Variants in DOK6 observed in about 807,000 individuals in gnomAD.
The protein encoded by DOK6 is docking protein 6, also known as downstream of tyrosine kinase 6.
Under a neutral mutation model 44.0 loss-of-function variants are expected in DOK6, and 22 were observed. The ratio of observed to expected loss-of-function variants is 0.50; its 90% CI spans 0.36 to 0.71. DOK6 has a LOEUF of 0.71. Ranked by LOEUF, DOK6 falls within the 30% of genes least tolerant of loss-of-function variation. The pLI, the probability that DOK6 is intolerant of heterozygous loss-of-function variation, is 0.00. For missense variants in DOK6, 340 were observed against 416.4 expected, an observed-to-expected ratio of 0.82 and a Z score of 1.60; for synonymous variants, 166 against 145.5, an observed-to-expected ratio of 1.14 and a Z score of -1.01.
intron 6 of DOK6, among the ~76,000 whole-genome samples, chr18:69,742,355 A>G (rs970010589): frequency 4.6e-4 from 69 of 150,466 alleles, no homozygotes; most frequent in Admixed American, 4.4e-3. Context: ...CAGAGGTTGC[A>G]GTGAGCCGAG....
chr18:69,492,998 A>G (rs529008166), intron 1 of DOK6, among the ~76,000 whole-genome samples: 1 of 152,118 alleles, frequency 6.6e-6, no homozygotes, highest in Non-Finnish European at 1.5e-5. Context: ...TTAAATGAAA[A>G]TATAAACTTA....
Position 69,556,873 on chromosome 18 carries a change from T to C in DOK6, c.67-7614T>C, listed in dbSNP as rs181188823. ...AAGTGAATCCTGTGCACTGACTACT[T>C]TTTTACACAAACCAAGTGTGTCTTT... On this transcript the variant is annotated intron_variant, in intron 1 of 7. Coordinates refer to ENST00000382713, the MANE Select transcript of DOK6 (RefSeq NM_152721.6). Among the ~76,000 whole-genome samples, 35 of 152,304 alleles carry C rather than the reference T, an allele frequency of 2.3e-4. 1 individual carries two copies. The highest frequency in any genetic ancestry group is 7.2e-4 in the African/African-American group (30 of 41,574).
At chr18:69,488,338 G>A (rs929438997) in intron 1 of DOK6, among the ~76,000 whole-genome samples, 1 of 152,088 alleles carries the variant, frequency 6.6e-6, no homozygotes, top group Non-Finnish European at 1.5e-5. Context: ...GGACACAAAC[G>A]TTCAGTCTTA....
intron 7 of DOK6, among the ~76,000 whole-genome samples, chr18:69,758,657 A>G (rs1979440961): frequency 6.6e-6 from 1 of 152,238 alleles, no homozygotes; most frequent in Admixed American, 6.5e-5. Context: ...AACTAAGAAA[A>G]TAAGGCTGAA....
At chr18:69,830,083 C>A (rs1167971648) in intron 7 of DOK6, among the ~76,000 whole-genome samples, 1 of 151,980 alleles carries the variant, frequency 6.6e-6, no homozygotes, top group African/African-American at 2.4e-5. Context: ...AGTGCAAATA[C>A]CTTCCAGAAA....
chr18:69,793,167 T>C (rs1980648013), intron 7 of DOK6, among the ~76,000 whole-genome samples: 1 of 152,198 alleles, frequency 6.6e-6, no homozygotes, highest in Non-Finnish European at 1.5e-5. Context: ...GACCAGTAAC[T>C]CAATAGATTG....
In DOK6 at chr18:69,555,123, ATT is replaced by A. The variant is rs1231058683; in HGVS notation, c.67-9362_67-9361del. ...TATGTAAAAATTTATATTCTTATTT[ATT>A]TCCGCTTATTTTATCTTACAATAAT... On this transcript the variant is annotated intron_variant, in intron 1 of 7. Transcript: ENST00000382713. Among the ~76,000 whole-genome samples, 5 of 152,046 alleles carry A rather than the reference ATT, an allele frequency of 3.3e-5. No individual in the cohort carries two copies. In the East Asian group the frequency reaches 9.7e-4, roughly 29 times the overall value.
At chr18:69,435,025 G>GGGAGGGAAGGAAGGACGGAAGGAA (rs1978926067) in intron 1 of DOK6, among the ~76,000 whole-genome samples, 21 of 72,334 alleles carry the variant, frequency 2.9e-4, no homozygotes, top group African/African-American at 9.3e-4. Flanking sequence ...TAGGGAGGGA[G>GGGAGGGAAGGAAGGACGGAAGGAA]GGAAGGAAGG....
intron 1 of DOK6, among the ~76,000 whole-genome samples, chr18:69,439,608 G>A (rs1235106505): frequency 6.6e-6 from 1 of 152,200 alleles, no homozygotes; most frequent in Non-Finnish European, 1.5e-5. Context: ...GTGTTATAGA[G>A]ATGGCTTCTT....
In DOK6 at chr18:69,705,738, C is replaced by T. The variant is rs575283501; in HGVS notation, c.599+7145C>T. On this transcript the variant is annotated intron_variant, in intron 5 of 7. Coordinates refer to ENST00000382713, the MANE Select transcript of DOK6 (RefSeq NM_152721.6). ...TACAAGGTTTTGAATTTTTCAAATG[C>T]CTTTCATTTTTGCTTGAAAATTCTC... 5.9e-5 allele frequency among the ~76,000 whole-genome samples: 9 copies of T among 152,210 alleles called. No individual in the cohort carries two copies. The South Asian group carries it at 1.7e-3, about 28-fold the overall frequency.
intron 2 of DOK6, among the ~76,000 whole-genome samples, chr18:69,594,181 TA>T (rs1351164722): frequency 3.5e-4 from 43 of 121,448 alleles, no homozygotes; most frequent in Middle Eastern, 3.8e-3. Flanking sequence ...CATTGATGTT[TA>T]TTTTTTTTTT....
chr18:69,574,305 G>A (rs1983187562), intron 2 of DOK6, among the ~76,000 whole-genome samples: 1 of 151,914 alleles, frequency 6.6e-6, no homozygotes, highest in African/African-American at 2.4e-5. Flanking sequence ...AGAGTGTTTG[G>A]AGGAGTCAAT....
rs544042956 is a variant in DOK6 at position 69,797,050 on chromosome 18, C to T, written c.856+39177C>T. ...ATCTACTAATTTCTTTGAAGTTAAT[C>T]GATTATTTCCAATTACTAACTTACC... On this transcript the variant is annotated intron_variant, in intron 7 of 7. Transcript: ENST00000382713. 3.9e-5 allele frequency among the ~76,000 whole-genome samples: 6 copies of T among 152,122 alleles called. No homozygotes were observed. The East Asian group carries it at 9.7e-4, about 25-fold the overall frequency.
intron 1 of DOK6, among the ~76,000 whole-genome samples, chr18:69,482,786 A>T (rs1980466234): frequency 6.6e-6 from 1 of 152,012 alleles, no homozygotes; most frequent in Non-Finnish European, 1.5e-5. Flanking sequence ...AAAAGGATGA[A>T]ATAAAAAAAG....
intron 2 of DOK6, among the ~76,000 whole-genome samples, chr18:69,590,880 T>A (rs963182467): frequency 2.6e-5 from 4 of 152,120 alleles, no homozygotes; most frequent in African/African-American, 9.7e-5. Flanking sequence ...ACAGAACAGA[T>A]GTTGTGGGTC....
chr18:69,838,791 C>T (rs930658187), intron 7 of DOK6, among the ~76,000 whole-genome samples: 2 of 146,016 alleles, frequency 1.4e-5, no homozygotes, highest in Non-Finnish European at 3.0e-5. Flanking sequence ...CTCCCCAGCT[C>T]CTCCCCCTTC....
At chr18:69,835,542 T>C (rs1378690808) in intron 7 of DOK6, among the ~76,000 whole-genome samples, 1 of 151,866 alleles carries the variant, frequency 6.6e-6, no homozygotes. Context: ...GTGAAATAAA[T>C]AAAAGGGCTC....
chr18:69,731,535 G>C (rs1051462325), intron 5 of DOK6, among the ~76,000 whole-genome samples: 1 of 151,962 alleles, frequency 6.6e-6, no homozygotes. Flanking sequence ...TTTTTCTATG[G>C]TCAGTTGAAA....
Position 69,436,945 on chromosome 18 carries a change from C to A in DOK6, c.66+35635C>A, listed in dbSNP as rs1012519199. ...GCTTTTTTTCTATGTTTGTTGCCTG[C>A]ATAAACGTCTTTTGAGAAGTGTCTG... is the stretch of plus-strand genomic sequence containing the variant. On this transcript the variant is annotated intron_variant, in intron 1 of 7. Transcript: ENST00000382713. 2.0e-5 allele frequency among the ~76,000 whole-genome samples: 3 copies of A among 152,214 alleles called. No individual in the cohort carries two copies. The South Asian group carries it at 6.2e-4, about 32-fold the overall frequency.
Sources: allele counts gnomAD v4.1 joint callset (sites outside exome capture counted in the v4.1 genomes callset), GRCh38; gene constraint gnomAD v4.1.1; transcripts MANE v1.5; gene names NCBI Gene and HGNC (gene_info 2026-07-23, HGNC 2026-07-21).